The following PCBP3 variants were observed in gnomAD, a reference collection of about 807,000 sequenced individuals.
The protein encoded by PCBP3 is poly(rC) binding protein 3.
A neutral mutation model predicts 52.7 loss-of-function variants in PCBP3; 25 were observed. That is an observed-to-expected ratio of 0.47 (90% CI 0.35 to 0.66). The LOEUF is 0.66. Ranked by LOEUF, PCBP3 falls within the 30% of genes least tolerant of loss-of-function variation. The pLI is 0.01. For missense variants in PCBP3, 391 were observed against 490.3 expected (o/e 0.80, Z 1.91); for synonymous variants, 162 against 183.0 (o/e 0.89, Z 0.93).
chr21:45,844,239 T>C (rs1268902539), intron 4 of PCBP3, among the ~76,000 whole-genome samples: 2 of 152,056 alleles, frequency 1.3e-5, no homozygotes, highest in Non-Finnish European at 2.9e-5. Flanking sequence ...AGGAAATGCT[T>C]TGCCGTCTTG....
chr21:45,755,604 A>G (rs1438206666), intron 4 of PCBP3, among the ~76,000 whole-genome samples, 152 bp downstream of exon 4: 1 of 151,944 alleles, frequency 6.6e-6, no homozygotes, highest in Admixed American at 6.6e-5. Context: ...AGCTTTTAAA[A>G]TTTTCTCCTT....
At position 45,821,249 on chromosome 21, in the gene PCBP3, G is replaced by A. The variant is rs867939249; in HGVS notation, c.-125-28712G>A. The stretch of plus-strand genomic sequence containing the variant: ...CCTCTCCCTAATCCTGGATTCCGCA[G>A]GGGCTCCAAGACCCTCAGGGTCGCC... On this transcript the variant is annotated intron_variant, in intron 4 of 17. Coordinates refer to ENST00000681687, the MANE Select transcript of PCBP3 (RefSeq NM_001384156.1). This position sits in a 1 kb window ranked among gnomAD's most constrained non-coding sequence, Gnocchi z 4.4. Among the ~76,000 whole-genome samples, 23 of 151,852 alleles carry A rather than the reference G, an allele frequency of 1.5e-4. 1 individual carries two copies. The highest frequency in any genetic ancestry group is 3.9e-4 in the Admixed American group (6 of 15,258).
At chr21:45,905,379 GC>G (rs1488012091) in intron 9 of PCBP3, among the ~76,000 whole-genome samples, 2 of 152,248 alleles carry the variant, frequency 1.3e-5, no homozygotes, top group Admixed American at 6.5e-5. Context: ...TGTTTCCAGA[GC>G]ATCCACCGCC....
rs768734341 is a variant in PCBP3, at chr21:45,675,121, G to A, written c.-200+6169G>A. Among the ~76,000 whole-genome samples the A allele has an allele frequency of 9.2e-5, 14 of 152,290 alleles. No individual in the cohort carries two copies. The East Asian group carries it at 2.3e-3, about 25-fold the overall frequency. On this transcript the variant is annotated intron_variant, in intron 2 of 17. Coordinates refer to ENST00000681687, the MANE Select transcript of PCBP3 (RefSeq NM_001384156.1). ...CTGAAGAACAGAGCATAGTTGAGGCGAGGTCCTGTGCTTTGCAGGACTTAC... is the reference window on the plus strand; with the variant it reads ...CTGAAGAACAGAGCATAGTTGAGGCAAGGTCCTGTGCTTTGCAGGACTTAC...
chr21:45,907,830 T>G (rs2149205062), intron 9 of PCBP3, among the ~76,000 whole-genome samples: 8 of 130,946 alleles, frequency 6.1e-5, no homozygotes, highest in South Asian at 2.7e-4. Context: ...GTAGAGTCGA[T>G]GGAGGAGCTG....
chr21:45,772,436 A>ATAC (rs990658578), intron 4 of PCBP3, among the ~76,000 whole-genome samples: 6 of 152,116 alleles, frequency 3.9e-5, no homozygotes, highest in African/African-American at 1.4e-4. Context: ...TTGTGTATAT[A>ATAC]TACTACATCT....
intron 2 of PCBP3, among the ~76,000 whole-genome samples, chr21:45,721,356 T>C (rs2084623220): frequency 1.4e-5 from 2 of 140,598 alleles, no homozygotes; most frequent in Non-Finnish European, 1.5e-5. Context: ...GAGGTTACAG[T>C]GAGCCAAGAT....
intron 4 of PCBP3, among the ~76,000 whole-genome samples, chr21:45,776,251 T>A (rs1188745046): frequency 6.6e-6 from 1 of 152,194 alleles, no homozygotes; most frequent in Non-Finnish European, 1.5e-5. Context: ...GTTCCTTTCA[T>A]GTGCTGATGA....
At chr21:45,660,695 T>C (rs865806537) in intron 1 of PCBP3, among the ~76,000 whole-genome samples, 1 of 152,172 alleles carries the variant, frequency 6.6e-6, no homozygotes, top group Non-Finnish European at 1.5e-5. Flanking sequence ...GAAACTTTGC[T>C]TCTGTATATC....
intron 4 of PCBP3, among the ~76,000 whole-genome samples, chr21:45,793,925 A>G (rs1422119219): frequency 2.0e-5 from 3 of 152,134 alleles, no homozygotes; most frequent in African/African-American, 7.2e-5. Flanking sequence ...GACAAAACTA[A>G]AAAAAAGACA....
intron 5 of PCBP3, among the ~76,000 whole-genome samples, chr21:45,885,083 C>T (rs1603465415): frequency 6.6e-6 from 1 of 152,320 alleles, no homozygotes; most frequent in East Asian, 1.9e-4. Context: ...GGCCTTCTCC[C>T]AGCGTAGGCA....
intron 4 of PCBP3, among the ~76,000 whole-genome samples, chr21:45,756,706 G>T (rs1424680726): frequency 2.6e-5 from 4 of 152,090 alleles, no homozygotes; most frequent in Non-Finnish European, 4.4e-5. Context: ...CCTCCTTTCT[G>T]TTCCTATGGA....
intron 4 of PCBP3, among the ~76,000 whole-genome samples, chr21:45,810,062 A>C (rs2092636331): frequency 6.6e-6 from 1 of 152,252 alleles, no homozygotes; most frequent in South Asian, 2.1e-4. Context: ...TTTTATGCAC[A>C]GTATTGAATT....
chr21:45,719,746 T>C (rs1569149298), intron 2 of PCBP3, among the ~76,000 whole-genome samples: 1 of 152,194 alleles, frequency 6.6e-6, no homozygotes, highest in African/African-American at 2.4e-5. Context: ...ACTTCTTTTC[T>C]TTATAAATTA....
intron 2 of PCBP3, among the ~76,000 whole-genome samples, chr21:45,679,947 A>G (rs1186633666): frequency 1.3e-5 from 2 of 152,170 alleles, no homozygotes; most frequent in South Asian, 2.1e-4. Context: ...CATTTTTTGG[A>G]AAGTCTATCC....
chr21:45,941,191 G>A (rs540640920), intron 17 of PCBP3, among the ~76,000 whole-genome samples: 18 of 152,328 alleles, frequency 1.2e-4, no homozygotes, highest in Middle Eastern at 3.4e-3. Context: ...GCAAAGTGCA[G>A]CATTGGCAAA....
At chr21:45,670,749 A>G (rs993709113) in intron 2 of PCBP3, among the ~76,000 whole-genome samples, 2 of 152,048 alleles carry the variant, frequency 1.3e-5, no homozygotes, top group Admixed American at 6.6e-5. Flanking sequence ...CTTCCCCCCA[A>G]TTTTTGGATA....
At chr21:45,823,750 T>C (rs1569273451) in intron 4 of PCBP3, among the ~76,000 whole-genome samples, 1 of 151,962 alleles carries the variant, frequency 6.6e-6, no homozygotes, top group Non-Finnish European at 1.5e-5. Context: ...AATTTTTATT[T>C]ATTTATTTTG....
chr21:45,937,814 G>T (rs1288078822), intron 16 of PCBP3, among the ~76,000 whole-genome samples: 7 of 152,174 alleles, frequency 4.6e-5, no homozygotes, highest in African/African-American at 7.2e-5. Flanking sequence ...AAGGAGGTCC[G>T]ACCTCCCCAC....
Sources: gnomAD v4.1 joint callset for allele counts (sites outside exome capture counted in the v4.1 genomes callset) on GRCh38, gnomAD v4.1.1 for gene constraint, Gnocchi (gnomAD v3.1) non-coding constraint, MANE v1.5 for transcripts, NCBI Gene and HGNC (gene_info 2026-07-23, HGNC 2026-07-21) for gene names.